GLIS3: variants seen among roughly 807,000 people sequenced by gnomAD.
GLIS3 encodes GLIS family zinc finger 3, also known as zinc finger protein GLIS3.
In GLIS3, 53 loss-of-function variants were observed where a neutral mutation model predicts 78.6. The ratio of observed to expected loss-of-function variants is 0.67; its 90% CI spans 0.54 to 0.85. The LOEUF (loss-of-function observed/expected upper bound fraction) is 0.85. Among genes scored for constraint, GLIS3 ranks in the 40% least tolerant of loss-of-function variants. GLIS3 has a pLI of 0.00. For missense variants in GLIS3, 1,703 were observed against 1,231.1 expected, an observed-to-expected ratio of 1.38 and a Z score of -5.74; for synonymous variants, 684 against 509.9, an observed-to-expected ratio of 1.34 and a Z score of -4.60.
intron 2 of GLIS3, among the ~76,000 whole-genome samples, chr9:4,145,610 T>C (rs1197078847): frequency 6.6e-6 from 1 of 152,136 alleles, no homozygotes; most frequent in African/African-American, 2.4e-5. Flanking sequence ...ACACCGACTT[T>C]TACAGCCCGA....
chr9:4,071,767 T>C (rs2130638704), intron 4 of GLIS3: 1 of 152,342 alleles, frequency 6.6e-6, no homozygotes, highest in South Asian at 2.1e-4. Flanking sequence ...AATTTCTAAT[T>C]TGCCATTTTC....
At chr9:4,352,856 T>G (rs1302461479), upstream of GLIS3, among the ~76,000 whole-genome samples, 1 of 152,218 alleles carries the variant, frequency 6.6e-6, no homozygotes, top group Non-Finnish European at 1.5e-5. Context: ...ATGAAGAGAA[T>G]TTGTGAACTT....
the GLIS3 span, among the ~76,000 whole-genome samples, chr9:4,383,154 A>G: frequency 6.6e-6 from 1 of 152,248 alleles, no homozygotes; most frequent in African/African-American, 2.4e-5. Context: ...AACGAGTAGA[A>G]GTAGGCCTCC....
At chr9:4,368,279 T>C in the GLIS3 span, among the ~76,000 whole-genome samples, 3 of 151,334 alleles carry the variant, frequency 2.0e-5, no homozygotes, top group Non-Finnish European at 4.4e-5. Flanking sequence ...CAGAAGGCAA[T>C]AGAGCATCAC....
intron 4 of GLIS3, among the ~76,000 whole-genome samples, chr9:4,008,194 A>G (rs646939): frequency 0.017 from 2,526 of 152,256 alleles, 70 homozygotes; most frequent in African/African-American, 0.058. Context: ...GAGGGATGCT[A>G]TAAGATCCCT....
chr9:4,475,407 C>T, the GLIS3 span, among the ~76,000 whole-genome samples: 1 of 152,152 alleles, frequency 6.6e-6, no homozygotes, highest in Non-Finnish European at 1.5e-5. Flanking sequence ...AGCTTGTTGG[C>T]AAACGTTTAC....
intron 8 of GLIS3, among the ~76,000 whole-genome samples, chr9:3,876,450 T>A (rs1821314380): frequency 6.6e-6 from 1 of 151,054 alleles, no homozygotes; most frequent in Non-Finnish European, 1.5e-5. Context: ...AAGTAACCAT[T>A]AGAGAATAGT....
chr9:4,140,994 T>C (rs575624329), intron 2 of GLIS3, among the ~76,000 whole-genome samples: 1 of 152,272 alleles, frequency 6.6e-6, no homozygotes, highest in South Asian at 2.1e-4. Flanking sequence ...GAGACGGGGT[T>C]TCATCATGTT....
At chr9:3,983,432 C>T (rs1003943242) in intron 4 of GLIS3, among the ~76,000 whole-genome samples, 1 of 152,106 alleles carries the variant, frequency 6.6e-6, no homozygotes, top group Non-Finnish European at 1.5e-5. Context: ...ACTGTAGATA[C>T]TTAAAAATGT....
chr9:3,883,458 G>C (rs538070038), intron 7 of GLIS3, among the ~76,000 whole-genome samples: 2 of 152,142 alleles, frequency 1.3e-5, no homozygotes, highest in African/African-American at 4.8e-5. Context: ...TTAACCTCAG[G>C]AAGAAAATCT....
At chr9:4,102,562 C>T (rs184225948) in intron 4 of GLIS3, among the ~76,000 whole-genome samples, 3 of 152,142 alleles carry the variant, frequency 2.0e-5, no homozygotes, top group South Asian at 4.2e-4. Flanking sequence ...GTTAGAGGCC[C>T]GGGATGCAGC....
At chr9:4,372,724 T>G in the GLIS3 span, among the ~76,000 whole-genome samples, 1 of 152,326 alleles carries the variant, frequency 6.6e-6, no homozygotes, top group Admixed American at 6.5e-5. Context: ...ATGATTTTCC[T>G]AAAGACTCCT....
intron 2 of GLIS3, among the ~76,000 whole-genome samples, chr9:4,189,807 G>C (rs1232727856): frequency 6.6e-6 from 1 of 151,884 alleles, no homozygotes; most frequent in Non-Finnish European, 1.5e-5. Context: ...TCAGAGACTA[G>C]GATTGCAACC....
chr9:3,957,120 T>A (rs1245169734), intron 4 of GLIS3, among the ~76,000 whole-genome samples: 2 of 152,210 alleles, frequency 1.3e-5, no homozygotes. Context: ...TGGCTCCCTA[T>A]CTACAGTCTA....
rs1482818569 is a variant in GLIS3 at position 3,879,638 on chromosome 9, A to G, written c.2129-43T>C. 5 of 1,608,630 alleles carry G rather than the reference A, an allele frequency of 3.1e-6. 1 individual carries two copies. The African/African-American group carries it at 6.7e-5, about 22-fold the overall frequency. On this transcript the variant is annotated intron_variant, in intron 7 of 10. Transcript: ENST00000381971. ...CAAACATGAGACCGTGCCCCAAAGG[A>G]AGCCCACGTTTTTTAAATACCGAAG...
chr9:4,353,764 T>C, the GLIS3 span, among the ~76,000 whole-genome samples: 1 of 152,108 alleles, frequency 6.6e-6, no homozygotes, highest in Non-Finnish European at 1.5e-5. Context: ...TGCACAAAGA[T>C]GTATGTTCTG....
the GLIS3 span, among the ~76,000 whole-genome samples, chr9:4,483,723 GAAAAAAAA>G: frequency 1.8e-5 from 2 of 108,608 alleles, no homozygotes; most frequent in Non-Finnish European, 2.0e-5. Context: ...TTCGTCTTGG[GAAAAAAAA>G]AAAAAAAAAA....
At chr9:4,190,737 T>C (rs12237239) in intron 2 of GLIS3, among the ~76,000 whole-genome samples, 9,951 of 152,070 alleles carry the variant, frequency 0.065, 491 homozygotes, top group East Asian at 0.23. Flanking sequence ...TTGTCAGATT[T>C]ACCAAAGTTG....
At chr9:3,891,196 A>G (rs555195859) in intron 7 of GLIS3, among the ~76,000 whole-genome samples, 4 of 152,276 alleles carry the variant, frequency 2.6e-5, no homozygotes, top group African/African-American at 7.2e-5. Context: ...TAGTATTTAG[A>G]TAAAAGCAAC....
Sources: allele counts gnomAD v4.1 joint callset (sites outside exome capture counted in the v4.1 genomes callset), GRCh38; gene constraint gnomAD v4.1.1; transcripts MANE v1.5; gene names NCBI Gene and HGNC (gene_info 2026-07-23, HGNC 2026-07-21).